Variants in RTF2 observed in about 807,000 individuals in gnomAD.
RTF2 encodes UPF0549 protein C20orf43.
Under a neutral mutation model 38.0 loss-of-function variants are expected in RTF2, and 18 were observed. That is an observed-to-expected ratio of 0.47 (90% CI 0.33 to 0.70). The LOEUF is 0.70. RTF2 is among the 30% of genes least tolerant of loss of function. The probability of loss-of-function intolerance (pLI) is 0.02; values close to 1 mark genes in which losing one functional copy is unlikely to be tolerated. For synonymous variants in RTF2, 126 were observed against 137.1 expected (o/e 0.92, Z 0.57); for missense variants, 311 against 379.6 (o/e 0.82, Z 1.50).
intron 5 of RTF2, among the ~76,000 whole-genome samples, chr20:56,500,963 C>T (rs1983887955): frequency 6.6e-6 from 1 of 151,916 alleles, no homozygotes; most frequent in Admixed American, 6.6e-5. Context: ...GGTTTTGCCA[C>T]ACAAGCTTTT....
intron 5 of RTF2, among the ~76,000 whole-genome samples, chr20:56,500,255 T>C (rs1453792137): frequency 6.6e-6 from 1 of 152,114 alleles, no homozygotes; most frequent in Admixed American, 6.5e-5. Flanking sequence ...GGTTTCACCA[T>C]GTTGGTCAGC....
chr20:56,517,003 A>G lies in RTF2; in HGVS notation c.646+14A>G. ...ATGTCAGTGAAGGTAAGATCCTTCA[A>G]GAGATCCTTATTTTAGCAAAATGCG... On this transcript the variant is annotated intron_variant, in intron 7 of 8. Coordinates refer to ENST00000357348, the MANE Select transcript of RTF2 (RefSeq NM_016407.5). The G allele has an allele frequency of 6.2e-7, 1 of 1,612,178 alleles. No individual in the cohort carries two copies. Among genetic ancestry groups the G allele is most frequent in the African/African-American group, 1.3e-5 (1 of 75,034 alleles).
intron 5 of RTF2, among the ~76,000 whole-genome samples, chr20:56,510,271 G>A (rs1041657588): frequency 1.8e-4 from 28 of 152,194 alleles, no homozygotes; most frequent in African/African-American, 6.8e-4. Flanking sequence ...AAAAAGGCGA[G>A]TTAGGTAGCA....
chr20:56,491,673 C>A, intron 5 of RTF2: 1 of 1,552,222 alleles, frequency 6.4e-7, no homozygotes, highest in Non-Finnish European at 8.7e-7. Flanking sequence ...AAGCAGGTAA[C>A]CACAAGCGGG....
rs533340107 is a variant in RTF2 at position 56,497,167 on chromosome 20, T to C, written c.477+12978T>C. ...GTTTGCACAGCAGTCTTATACTTCATTGGGGCCTTTTCATCAACATGAATA... is the reference window on the plus strand; with the variant it reads ...GTTTGCACAGCAGTCTTATACTTCACTGGGGCCTTTTCATCAACATGAATA... On this transcript the variant is annotated intron_variant, in intron 5 of 8. Coordinates refer to ENST00000357348, the MANE Select transcript of RTF2 (RefSeq NM_016407.5). The C allele has an allele frequency of 4.5e-5, 70 of 1,551,074 alleles. No individual in the cohort carries two copies. The East Asian group carries it at 4.6e-4, about 10-fold the overall frequency.
chr20:56,499,019 T>G (rs2146349741), intron 5 of RTF2, among the ~76,000 whole-genome samples: 1 of 152,280 alleles, frequency 6.6e-6, no homozygotes, highest in East Asian at 1.9e-4. Flanking sequence ...GATGTTGTAT[T>G]TATTTTCATC....
At chr20:56,501,142 G>T (rs938663388) in intron 5 of RTF2, among the ~76,000 whole-genome samples, 1 of 151,918 alleles carries the variant, frequency 6.6e-6, no homozygotes, top group African/African-American at 2.4e-5. Context: ...GCTGTCACTT[G>T]AACATAACAT....
chr20:56,504,777 AC>A (rs1984155805), intron 5 of RTF2, among the ~76,000 whole-genome samples: 3 of 152,196 alleles, frequency 2.0e-5, no homozygotes, highest in Non-Finnish European at 4.4e-5. Context: ...GCACCAAGAG[AC>A]ATAGATCACA....
At chr20:56,478,959 T>C (rs1982391994) in intron 4 of RTF2, among the ~76,000 whole-genome samples, 2 of 152,210 alleles carry the variant, frequency 1.3e-5, no homozygotes, top group Non-Finnish European at 2.9e-5. Context: ...GCAGATTCTG[T>C]CTCAAGAAAC....
intron 6 of RTF2, chr20:56,514,362 A>C (rs1445752869): frequency 6.6e-6 from 1 of 152,096 alleles, no homozygotes; most frequent in Non-Finnish European, 1.5e-5. Context: ...AAAAAAAAAA[A>C]AGTTGGGTTC....
At chr20:56,512,505 G>C (rs1984738957) in intron 5 of RTF2, among the ~76,000 whole-genome samples, 2 of 152,300 alleles carry the variant, frequency 1.3e-5, no homozygotes, top group South Asian at 2.1e-4. Context: ...CTCACTCACT[G>C]ACAGCTCTGT....
chr20:56,513,212 C>T lies in RTF2; in HGVS notation c.478-103C>T, dbSNP rs1243049780. 37 of 1,452,588 alleles carry T rather than the reference C, an allele frequency of 2.5e-5. 1 individual carries two copies. In the South Asian group the frequency reaches 3.0e-4, roughly 12 times the overall value. The allele number at this position is 1,452,588 out of a possible 1,614,324, so 90.0% of individuals were successfully genotyped here. A position where few individuals can be genotyped will look rare whatever the true frequency, so the allele number is the denominator to read the frequency against. ...AGAAAGCCGGTAATAGGAATTTACT[C>T]GGAGCCTGGGGGCCACTGCTTGGGG... is the stretch of plus-strand genomic sequence containing the variant. On this transcript the variant is annotated intron_variant, in intron 5 of 8. Coordinates refer to ENST00000357348, the MANE Select transcript of RTF2 (RefSeq NM_016407.5).
Position 56,518,556 on chromosome 20 carries a change from G to T in RTF2, c.*291G>T, listed in dbSNP as rs1198363972. On this transcript the variant is annotated 3_prime_UTR_variant, in exon 9 of 9. Transcript: ENST00000357348. ...CCTGTGGGCTGCACTTTTTATGCTT[G>T]CAGTAACAAGAGACTCCAGAGTCCT... The T allele has an allele frequency of 4.0e-5, 12 of 300,464 alleles. No individual in the cohort carries two copies. Among genetic ancestry groups the T allele is most frequent in the Non-Finnish European group, 7.3e-5 (12 of 164,182 alleles). The allele number at this position is 300,464 out of a possible 1,614,324, so 18.6% of individuals were successfully genotyped here.
chr20:56,469,241 G>A (rs1327025084), intron 1 of RTF2, among the ~76,000 whole-genome samples: 1 of 152,196 alleles, frequency 6.6e-6, no homozygotes, highest in East Asian at 1.9e-4. Flanking sequence ...GTCTTAGCCT[G>A]CACACGGCTG....
chr20:56,490,772 G>A (rs924480715), intron 5 of RTF2, among the ~76,000 whole-genome samples: 13 of 152,238 alleles, frequency 8.5e-5, no homozygotes, highest in African/African-American at 2.4e-4. Flanking sequence ...AGCCGAGATC[G>A]TGCCATTGCA....
At chr20:56,517,337 C>G in intron 8 of RTF2, 136 bp downstream of exon 8, 4 of 688,248 alleles carry the variant, frequency 5.8e-6, no homozygotes, top group Admixed American at 5.1e-5. Context: ...GTGCACTGAA[C>G]TCTCTTTAGG....
chr20:56,494,570 C>A (rs768991094), intron 5 of RTF2, among the ~76,000 whole-genome samples: 22 of 152,128 alleles, frequency 1.4e-4, no homozygotes, highest in Middle Eastern at 3.2e-3. Context: ...CACCTTTCTA[C>A]CATGTGAATG....
intron 8 of RTF2, among the ~76,000 whole-genome samples, chr20:56,517,469 A>T (rs959759390): frequency 3.3e-5 from 5 of 152,024 alleles, no homozygotes; most frequent in African/African-American, 7.3e-5. Context: ...CAAGCAAAAG[A>T]GGTTGCGCTG....
intron 6 of RTF2, 72 bp from the exon 7 acceptor site, chr20:56,516,863 A>T (rs1329854305): frequency 9.1e-6 from 13 of 1,422,516 alleles, no homozygotes; most frequent in Non-Finnish European, 1.3e-5. Context: ...ACCCGGGACA[A>T]TGGGCAGCCA....
Sources: gnomAD v4.1 joint callset for allele counts (sites outside exome capture counted in the v4.1 genomes callset) on GRCh38, gnomAD v4.1.1 for gene constraint, MANE v1.5 for transcripts, NCBI Gene and HGNC (gene_info 2026-07-23, HGNC 2026-07-21) for gene names.